The following FDXR variants were observed in gnomAD, a reference collection of about 807,000 sequenced individuals.
The protein encoded by FDXR is NADPH:adrenodoxin oxidoreductase, mitochondrial.
In FDXR, 38 loss-of-function variants were observed where a neutral mutation model predicts 58.3. That is an observed-to-expected ratio of 0.65 (90% confidence interval 0.50 to 0.85). The LOEUF (loss-of-function observed/expected upper bound fraction) is 0.85, where lower values mean the gene tolerates loss of function less well. Ranked by LOEUF, FDXR falls within the 40% of genes least tolerant of loss-of-function variation. FDXR has a pLI of 0.00. For missense variants in FDXR, 624 were observed against 671.0 expected (o/e 0.93, Z 0.77); for synonymous variants, 275 against 273.8 (o/e 1.00, Z -0.04).
chr17:74,862,681 G>C lies in FDXR; in HGVS notation c.*136C>G. ...ACCTTCCCCAGGAGGGAGGAGAGACGCTGGAAGAGCAGCCAAGCCTCCAAG... is the reference window on the plus strand; with the variant it reads ...ACCTTCCCCAGGAGGGAGGAGAGACCCTGGAAGAGCAGCCAAGCCTCCAAG... On this transcript the variant is annotated 3_prime_UTR_variant, in exon 12 of 12. Transcript: ENST00000293195. 1 of 1,235,912 alleles carries C rather than the reference G, an allele frequency of 8.1e-7. No individual in the cohort carries two copies. Among genetic ancestry groups the C allele is most frequent in the Non-Finnish European group, 1.1e-6 (1 of 908,722 alleles). 76.6% of individuals were successfully genotyped at this position (1,235,912 alleles called of 1,614,324 possible).
intron 6 of FDXR, among the ~76,000 whole-genome samples, chr17:74,865,403 A>G (rs1437439868): frequency 6.6e-6 from 1 of 152,168 alleles, no homozygotes; most frequent in Non-Finnish European, 1.5e-5. Flanking sequence ...AGGAAGGGAC[A>G]ACCGAGCCAA....
intron 1 of FDXR, chr17:74,872,627 T>G: frequency 2.3e-6 from 2 of 870,570 alleles, no homozygotes; most frequent in Non-Finnish European, 3.4e-6. Flanking sequence ...GTCTCACACC[T>G]GTAGATCTCA....
chr17:74,870,067 C>T (rs909998377), intron 2 of FDXR: 30 of 419,604 alleles, frequency 7.1e-5, no homozygotes, highest in Admixed American at 6.4e-4. Context: ...TGCATGTGGT[C>T]CTGTCTTAGG....
chr17:74,868,850 A>ACT, intron 2 of FDXR: 2 of 1,063,538 alleles, frequency 1.9e-6, no homozygotes, highest in Non-Finnish European at 2.6e-6. Context: ...ATGACTTTCT[A>ACT]CTCTCTCTCT....
chr17:74,872,843 C>T (rs572355705), intron 1 of FDXR, 23 bp downstream of exon 1: 3 of 1,545,212 alleles, frequency 1.9e-6, no homozygotes, highest in Non-Finnish European at 2.6e-6. Flanking sequence ...TCCCATCCAG[C>T]CCCAAAGGCG....
chr17:74,869,943 T>C, intron 2 of FDXR: 1 of 453,270 alleles, frequency 2.2e-6, no homozygotes. Flanking sequence ...GGCCCTAGCA[T>C]CCTTACCTGT....
intron 2 of FDXR, among the ~76,000 whole-genome samples, chr17:74,870,791 G>C (rs1426158852): frequency 1.6e-5 from 2 of 123,630 alleles, no homozygotes; most frequent in Non-Finnish European, 3.2e-5. Context: ...CAAATGCACT[G>C]TCTCTCTTTT....
chr17:74,868,789 G>A (rs1362061125), intron 2 of FDXR: 4 of 1,462,090 alleles, frequency 2.7e-6, no homozygotes, highest in Admixed American at 2.3e-5. Flanking sequence ...CCTCCTCCCT[G>A]AGGATTTAAC....
chr17:74,871,427 G>A (rs373093550), intron 2 of FDXR, among the ~76,000 whole-genome samples: 6 of 152,312 alleles, frequency 3.9e-5, no homozygotes, highest in East Asian at 3.9e-4. Flanking sequence ...AGTTAACCTG[G>A]GTATCCCCTC....
Position 74,866,306 on chromosome 17 carries a change from AGCCCCCCAGGCTCCCAGCG to A in FDXR, c.394-81_394-63del, listed in dbSNP as rs914970965. ...CAGCACCAGCACTGATAGGCCGGGC[AGCCCCCCAGGCTCCCAGCG>A]GCCTCCTTCCAGCTTCTCAGCAGCT... On this transcript the variant is annotated intron_variant, in intron 4 of 11. Transcript: ENST00000293195. The A allele has an allele frequency of 2.4e-5, 38 of 1,573,252 alleles. 1 individual carries two copies. The African/African-American group carries it at 4.7e-4, about 20-fold the overall frequency.
chr17:74,866,308 C>A (rs1024259725), intron 4 of FDXR, 64 bp from the exon 5 acceptor site: 1 of 1,565,556 alleles, frequency 6.4e-7, no homozygotes, highest in Non-Finnish European at 8.7e-7. Flanking sequence ...GGCCGGGCAG[C>A]CCCCCAGGCT....
Position 74,866,770 on chromosome 17 carries a change from C to G in FDXR, c.270+14G>C. The G allele has an allele frequency of 6.2e-7, 1 of 1,613,854 alleles. No individual in the cohort carries two copies. The highest frequency in any genetic ancestry group is 8.5e-7 in the Non-Finnish European group (1 of 1,179,870). On this transcript the variant is annotated intron_variant, in intron 3 of 11. Coordinates refer to ENST00000293195, the MANE Select transcript of FDXR (RefSeq NM_024417.5). ...AGTCTCCAAACCCCAGCCTCCAGGC[C>G]CAGAGACACCCACCTTCACCTCGGG... is the stretch of plus-strand genomic sequence containing the variant.
At chr17:74,864,982 G>A in intron 6 of FDXR, 51 bp from the exon 7 acceptor site, 1 of 1,613,404 alleles carries the variant, frequency 6.2e-7, no homozygotes, top group South Asian at 1.1e-5. Context: ...CGAGGAAAGG[G>A]GACTCTCCAT....
At chr17:74,868,128 A>C (rs1200610878) in intron 2 of FDXR, 181 of 128,034 alleles carry the variant, frequency 1.4e-3, no homozygotes, top group Middle Eastern at 2.8e-3. Flanking sequence ...CCCTGCCTGC[A>C]CCCAAGTCCA....
intron 7 of FDXR, 58 bp from the exon 8 acceptor site, chr17:74,864,622 G>C: frequency 6.5e-7 from 1 of 1,529,644 alleles, no homozygotes; most frequent in East Asian, 2.3e-5. Context: ...CAGTCCACCT[G>C]AGCCCACCCC....
In FDXR at chr17:74,866,501, AC is replaced by A. The variant is rs2038190288; in HGVS notation, c.337del (p.Val113TrpfsTer5). ...GRCAFWGNVE[V>X]GRDVTVPELQ... ...CTCCGGCACCGTCACGTCCCTGCCC[AC>A]CTCCACGTTGCCCCAGAAGGCACAG... On this transcript the variant is annotated frameshift_variant, in exon 4 of 12. Transcript: ENST00000293195. LOFTEE classifies it high-confidence loss of function. 3 of 1,613,496 alleles carry A rather than the reference AC, an allele frequency of 1.9e-6. No individual in the cohort carries two copies. The highest frequency in any genetic ancestry group is 2.5e-6 in the Non-Finnish European group (3 of 1,179,952).
chr17:74,868,993 G>C (rs1042959045), intron 2 of FDXR, among the ~76,000 whole-genome samples: 2 of 151,224 alleles, frequency 1.3e-5, no homozygotes, highest in Non-Finnish European at 2.9e-5. Flanking sequence ...CTGTTCCCTC[G>C]ACCCCATCCA....
chr17:74,868,179 A>G (rs34304198), intron 2 of FDXR: 7,281 of 203,220 alleles, frequency 0.036, 511 homozygotes, highest in African/African-American at 0.17. Context: ...CAGGCCAGCC[A>G]CAGGGGGCTA....
At chr17:74,869,459 C>G (rs1216571255) in intron 2 of FDXR, among the ~76,000 whole-genome samples, 2 of 152,204 alleles carry the variant, frequency 1.3e-5, no homozygotes, top group Non-Finnish European at 2.9e-5. Context: ...AGCCTCGGCT[C>G]TCACCTCCTC....
Sources: allele counts gnomAD v4.1 joint callset (sites outside exome capture counted in the v4.1 genomes callset), GRCh38; gene constraint gnomAD v4.1.1; transcripts MANE v1.5; gene names NCBI Gene and HGNC (gene_info 2026-07-23, HGNC 2026-07-21).